CAMSAP2: variants seen among roughly 807,000 people sequenced by gnomAD.
CAMSAP2 encodes the protein calmodulin-regulated spectrin-associated protein 2.
Under a neutral mutation model 146.1 loss-of-function variants are expected in CAMSAP2, and 26 were observed. The ratio of observed to expected loss-of-function variants is 0.18; its 90% CI spans 0.13 to 0.25. The LOEUF (loss-of-function observed/expected upper bound fraction) is 0.25. Ranked by LOEUF, CAMSAP2 falls within the 10% of genes least tolerant of loss-of-function variation. The pLI is 1.00. For synonymous variants in CAMSAP2, 499 were observed against 596.6 expected (o/e 0.84, Z 2.38); for missense variants, 1,381 against 1,759.3 (o/e 0.78, Z 3.85).
chr1:200,776,612 T>C (rs1665286065), intron 2 of CAMSAP2, among the ~76,000 whole-genome samples: 1 of 151,766 alleles, frequency 6.6e-6, no homozygotes, highest in Non-Finnish European at 1.5e-5. Flanking sequence ...GTAATCCCAG[T>C]ACTTGGGAGA....
intron 1 of CAMSAP2, among the ~76,000 whole-genome samples, chr1:200,746,110 T>C (rs985880125): frequency 6.6e-6 from 1 of 152,220 alleles, no homozygotes; most frequent in Non-Finnish European, 1.5e-5. Context: ...AGAAAATCTC[T>C]TGGAATACAC....
chr1:200,855,006 A>G, intron 14 of CAMSAP2, 117 bp downstream of exon 14: 1 of 690,922 alleles, frequency 1.4e-6, no homozygotes, highest in Non-Finnish European at 2.3e-6. Context: ...AATCATAATC[A>G]CAAATTTTAC....
chr1:200,760,819 T>C lies in CAMSAP2; in HGVS notation c.140-20T>C, dbSNP rs1266286165. ...TTTATAAAAATCTTGTAAGAGAATT[T>C]TTTCCATTAATCTTTATAGAAAATG... On this transcript the variant is annotated intron_variant, in intron 1 of 16. Transcript: ENST00000358823. 2.0e-6 allele frequency: 3 copies of C among 1,516,638 alleles called. No individual in the cohort carries two copies. The highest frequency in any genetic ancestry group is 2.7e-6 in the Non-Finnish European group (3 of 1,124,676). The allele number at this position is 1,516,638 out of a possible 1,614,324, so 93.9% of individuals were successfully genotyped here.
chr1:200,814,640 AGAAGAT>A (rs1342659787), intron 3 of CAMSAP2, among the ~76,000 whole-genome samples: 3 of 148,922 alleles, frequency 2.0e-5, no homozygotes, highest in Non-Finnish European at 1.5e-5. Context: ...AAAAACAAGA[AGAAGAT>A]ATGAATGATT....
In CAMSAP2 at chr1:200,858,092, G is replaced by C; in HGVS notation, c.*33G>C. 2.0e-6 allele frequency: 3 copies of C among 1,502,162 alleles called. No homozygotes were observed. The South Asian group carries it at 4.2e-5, about 21-fold the overall frequency. 93.1% of individuals were successfully genotyped at this position (1,502,162 alleles called of 1,614,324 possible). ...GAAATACTTGCTTCAGAACATTCATGGTAAATTTGCACTTCATCTTTCCTG... is the reference window on the plus strand; with the variant it reads ...GAAATACTTGCTTCAGAACATTCATCGTAAATTTGCACTTCATCTTTCCTG... On this transcript the variant is annotated 3_prime_UTR_variant, in exon 17 of 17. Coordinates refer to ENST00000358823, the MANE Select transcript of CAMSAP2 (RefSeq NM_203459.4).
At position 200,802,984 on chromosome 1, in the gene CAMSAP2, T is replaced by C. The variant is rs544430757; in HGVS notation, c.400-4392T>C. Reference sequence around the variant, plus strand: ...GGATTCCACATTCCCCAAATCCTTTTCTTTTCATTGAAATGCCAAGTAGCC... The same window carrying C: ...GGATTCCACATTCCCCAAATCCTTTCCTTTTCATTGAAATGCCAAGTAGCC... On this transcript the variant is annotated intron_variant, in intron 2 of 16. Coordinates refer to ENST00000358823, the MANE Select transcript of CAMSAP2 (RefSeq NM_203459.4). Among the ~76,000 whole-genome samples, 3 of 152,328 alleles carry C rather than the reference T, an allele frequency of 2.0e-5. No homozygotes were observed. In the East Asian group the frequency reaches 5.8e-4, roughly 29 times the overall value.
At chr1:200,843,588 C>T (rs1013330484) in intron 7 of CAMSAP2, among the ~76,000 whole-genome samples, 1 of 152,110 alleles carries the variant, frequency 6.6e-6, no homozygotes, top group Non-Finnish European at 1.5e-5. Context: ...GTGATTTCAC[C>T]TGTGAAGCTC....
In CAMSAP2 at chr1:200,739,898, A is replaced by T; in HGVS notation, c.71A>T (p.His24Leu). Residue 24 changes from histidine to leucine, a missense_variant, in exon 1 of 17, where the codon CAC becomes CTC. His to Leu is a moderately conservative substitution (Grantham distance 99). This residue lies in a region of CAMSAP2 where 284 missense variants were observed against 406.9 expected (regional missense o/e 0.70). Coordinates refer to ENST00000358823, the MANE Select transcript of CAMSAP2 (RefSeq NM_203459.4). This position sits in a 1 kb window ranked among gnomAD's most constrained non-coding sequence, Gnocchi z 4.8. The part of the protein sequence containing the change: ...FIVPAIKPFD[H>L]YDFSRAKIAC... The stretch of plus-strand genomic sequence containing the variant: ...GTTCCAGCCATCAAGCCTTTTGACC[A>T]CTATGATTTCTCCAGGGCCAAAATC... The T allele has an allele frequency of 6.2e-7, 1 of 1,614,152 alleles. No homozygotes were observed. Among genetic ancestry groups the T allele is most frequent in the African/African-American group, 1.3e-5 (1 of 75,054 alleles).
intron 2 of CAMSAP2, among the ~76,000 whole-genome samples, chr1:200,766,897 C>T (rs1664969248): frequency 6.6e-6 from 1 of 152,174 alleles, no homozygotes; most frequent in South Asian, 2.1e-4. Context: ...CATTTACCCA[C>T]TCTGTTCCTG....
chr1:200,761,760 A>G (rs972989930), intron 2 of CAMSAP2, among the ~76,000 whole-genome samples: 1 of 150,906 alleles, frequency 6.6e-6, no homozygotes, highest in African/African-American at 2.4e-5. Flanking sequence ...AAGCTCATTT[A>G]TGTACTTGAA....
intron 1 of CAMSAP2, among the ~76,000 whole-genome samples, chr1:200,745,334 C>G (rs540364984): frequency 2.0e-4 from 30 of 152,104 alleles, no homozygotes; most frequent in Admixed American, 2.0e-3. Context: ...AAAAGGAGCC[C>G]AGGTTGAGAA....
At chr1:200,743,711 C>A (rs991739911) in intron 1 of CAMSAP2, among the ~76,000 whole-genome samples, 1 of 152,022 alleles carries the variant, frequency 6.6e-6, no homozygotes, top group Non-Finnish European at 1.5e-5. Context: ...GAGACCAAGG[C>A]GGGTGGATCA....
chr1:200,797,888 A>G (rs1331395450), intron 2 of CAMSAP2, among the ~76,000 whole-genome samples: 2 of 149,806 alleles, frequency 1.3e-5, no homozygotes, highest in Non-Finnish European at 3.0e-5. Context: ...CTTTCTACAT[A>G]TGGCTAGCCA....
rs1664094143 is a variant in CAMSAP2 at position 200,739,721 on chromosome 1, G to T, written c.-107G>T. On this transcript the variant is annotated 5_prime_UTR_variant, in exon 1 of 17. Coordinates refer to ENST00000358823, the MANE Select transcript of CAMSAP2 (RefSeq NM_203459.4). The surrounding 1 kb of genome is among the most constrained non-coding windows in gnomAD (Gnocchi z 4.8). ...CGGCGCCCGGGCGGACATCGCCCGG[G>T]CCCCGATGGTTTGAGCTTGCTTCTC... The T allele has an allele frequency of 8.5e-7, 1 of 1,175,238 alleles. No individual in the cohort carries two copies. The highest frequency in any genetic ancestry group is 1.1e-6 in the Non-Finnish European group (1 of 873,876). The allele number at this position is 1,175,238 out of a possible 1,614,324, so 72.8% of individuals were successfully genotyped here.
chr1:200,740,050 C>A, intron 1 of CAMSAP2, 84 bp downstream of exon 1: 2 of 1,445,110 alleles, frequency 1.4e-6, no homozygotes, highest in African/African-American at 1.4e-5. Flanking sequence ...CGAATCCCTC[C>A]CTCCCCGTGC....
In CAMSAP2 at chr1:200,859,405, A is replaced by AT. The variant is rs1351338160; in HGVS notation, c.*1346_*1347insT. On this transcript the variant is annotated 3_prime_UTR_variant, in exon 17 of 17. Coordinates refer to ENST00000358823, the MANE Select transcript of CAMSAP2 (RefSeq NM_203459.4). Reference sequence around the variant, plus strand: ...AATTGAGTTGTTTAGAGAAAGAACTAATGTCTCATATGATGTATTTACTTA... The same window carrying AT: ...AATTGAGTTGTTTAGAGAAAGAACTATATGTCTCATATGATGTATTTACTTA... The AT allele has an allele frequency of 6.6e-6, 1 of 152,612 alleles. No homozygotes were observed. Among genetic ancestry groups the AT allele is most frequent in the East Asian group, 1.9e-4 (1 of 5,346 alleles). The allele number at this position is 152,612 out of a possible 1,614,324, so 9.5% of individuals were successfully genotyped here.
intron 6 of CAMSAP2, among the ~76,000 whole-genome samples, chr1:200,837,098 G>C (rs1667204508): frequency 6.6e-6 from 1 of 152,106 alleles, no homozygotes; most frequent in Non-Finnish European, 1.5e-5. Context: ...AGTTTAATTA[G>C]ATCCTATTTG....
chr1:200,789,602 C>A (rs184516747), intron 2 of CAMSAP2, among the ~76,000 whole-genome samples: 2 of 152,270 alleles, frequency 1.3e-5, no homozygotes, highest in Non-Finnish European at 2.9e-5. Flanking sequence ...CATCAGTTCT[C>A]TAACTTTATT....
chr1:200,779,421 G>A (rs1665373066), intron 2 of CAMSAP2, among the ~76,000 whole-genome samples: 2 of 152,296 alleles, frequency 1.3e-5, no homozygotes, highest in Non-Finnish European at 2.9e-5. Context: ...ATGGTAGAGT[G>A]CAGAGATAAT....
Sources: gnomAD v4.1 joint callset for allele counts (sites outside exome capture counted in the v4.1 genomes callset) on GRCh38, gnomAD v4.1.1 for gene constraint, gnomAD v4.1.1 regional missense constraint, Gnocchi (gnomAD v3.1) non-coding constraint, MANE v1.5 for transcripts, NCBI Gene and HGNC (gene_info 2026-07-23, HGNC 2026-07-21) for gene names.